Variants in ARHGEF7 observed in about 807,000 individuals in gnomAD.
ARHGEF7 encodes PAK-interacting exchange factor beta.
Under a neutral mutation model 109.8 loss-of-function variants are expected in ARHGEF7, and 33 were observed. The ratio of observed to expected loss-of-function variants is 0.30; its 90% CI spans 0.23 to 0.40. ARHGEF7 has a LOEUF of 0.40. Ranked by LOEUF, ARHGEF7 falls within the 10% of genes least tolerant of loss-of-function variation. The probability of loss-of-function intolerance (pLI) is 1.00; values close to 1 mark genes in which losing one functional copy is unlikely to be tolerated. For missense variants in ARHGEF7, 938 were observed against 1,098.5 expected (o/e 0.85, Z 2.07); for synonymous variants, 458 against 424.6 (o/e 1.08, Z -0.97).
Position 111,145,534 on chromosome 13 carries a change from A to C in ARHGEF7, c.166-8371A>C, listed in dbSNP as rs1267833860. Among the ~76,000 whole-genome samples, 2 of 152,136 alleles carry C rather than the reference A, an allele frequency of 1.3e-5. No homozygotes were observed. Among genetic ancestry groups the C allele is most frequent in the African/African-American group, 4.8e-5 (2 of 41,424 alleles). On this transcript the variant is annotated intron_variant, in intron 1 of 21. Coordinates refer to ENST00000646102, the MANE Select transcript of ARHGEF7 (RefSeq NM_001354046.2). This position sits in a 1 kb window ranked among gnomAD's most constrained non-coding sequence, Gnocchi z 4.3. Reference sequence around the variant, plus strand: ...TCTTCCGCGAGTGGTGTGTTGGTAAATGTTAAACACCTGGCTGTCTGGGAG... The same window carrying C: ...TCTTCCGCGAGTGGTGTGTTGGTAACTGTTAAACACCTGGCTGTCTGGGAG...
intron 8 of ARHGEF7, chr13:111,265,473 A>G: frequency 2.4e-6 from 1 of 425,370 alleles, no homozygotes; most frequent in South Asian, 1.7e-5. Context: ...CCTGACTATG[A>G]CTTTCTCCAG....
At chr13:111,209,762 C>G in intron 3 of ARHGEF7, 110 bp from the exon 4 acceptor site, 1 of 1,296,680 alleles carries the variant, frequency 7.7e-7, no homozygotes. Flanking sequence ...TTGTTGTGGT[C>G]TTTTGGTGTG....
Position 111,303,894 on chromosome 13 carries a change from C to CA in ARHGEF7, c.*782dup. The CA allele has an allele frequency of 6.6e-6, 1 of 152,336 alleles. No homozygotes were observed. The highest frequency in any genetic ancestry group is 2.1e-4 in the South Asian group (1 of 4,826). 9.4% of individuals were successfully genotyped at this position (152,336 alleles called of 1,614,324 possible). A position where few individuals can be genotyped will look rare whatever the true frequency, so the allele number is the denominator to read the frequency against. On this transcript the variant is annotated 3_prime_UTR_variant, in exon 22 of 22. Coordinates refer to ENST00000646102, the MANE Select transcript of ARHGEF7 (RefSeq NM_001354046.2). ...GAGTTTGCTGCGTTTTGGGAGGACA[C>CA]AGACGGTTCTGTATAGGCTAGTTCA...
intron 1 of ARHGEF7, among the ~76,000 whole-genome samples, chr13:111,132,491 T>C (rs920391958): frequency 6.6e-6 from 1 of 152,194 alleles, no homozygotes; most frequent in African/African-American, 2.4e-5. Context: ...CATTAAGGTA[T>C]TTTAGGGAAG....
intron 8 of ARHGEF7, among the ~76,000 whole-genome samples, chr13:111,246,975 C>CT (rs2088961842): frequency 6.6e-6 from 1 of 152,186 alleles, no homozygotes; most frequent in Non-Finnish European, 1.5e-5. Context: ...CATGTGTTTA[C>CT]TAAGGCTTCA....
chr13:111,203,537 G>A (rs577102972), intron 2 of ARHGEF7, among the ~76,000 whole-genome samples: 8 of 152,256 alleles, frequency 5.3e-5, no homozygotes, highest in Middle Eastern at 3.4e-3. Flanking sequence ...AAATGGCATC[G>A]GTAAGCACAT....
intron 19 of ARHGEF7, among the ~76,000 whole-genome samples, chr13:111,299,790 A>C (rs574023661): frequency 1.3e-5 from 2 of 152,316 alleles, no homozygotes; most frequent in African/African-American, 4.8e-5. Context: ...AAGACCCAGC[A>C]AGCGGAAGCA....
intron 1 of ARHGEF7, among the ~76,000 whole-genome samples, chr13:111,138,497 A>G (rs2075194234): frequency 6.6e-6 from 1 of 152,070 alleles, no homozygotes; most frequent in Non-Finnish European, 1.5e-5. Context: ...AAAAACCAAA[A>G]AACACAGCTG....
In ARHGEF7 at chr13:111,258,450, C is replaced by T. The variant is rs2090702934; in HGVS notation, c.951-9098C>T. 6.6e-6 allele frequency among the ~76,000 whole-genome samples: 1 copy of T among 152,234 alleles called. No homozygotes were observed. The highest frequency in any genetic ancestry group is 1.5e-5 in the Non-Finnish European group (1 of 68,032). ...TAGAGCATCAGGCAGAACCCTGAGG[C>T]TCCCGGACGACATTTATAGACATAC... On this transcript the variant is annotated intron_variant, in intron 8 of 21. Coordinates refer to ENST00000646102, the MANE Select transcript of ARHGEF7 (RefSeq NM_001354046.2). The surrounding 1 kb of genome is among the most constrained non-coding windows in gnomAD (Gnocchi z 4.4).
chr13:111,292,474 T>C, intron 19 of ARHGEF7, 180 bp downstream of exon 19: 8 of 1,440,172 alleles, frequency 5.6e-6, no homozygotes, highest in Non-Finnish European at 7.3e-6. Flanking sequence ...TTGTACTTTG[T>C]GGAGGCTTAA....
intron 1 of ARHGEF7, among the ~76,000 whole-genome samples, chr13:111,120,452 C>T (rs141311757): frequency 2.0e-5 from 3 of 150,584 alleles, no homozygotes; most frequent in South Asian, 2.1e-4. Flanking sequence ...CATGCACATA[C>T]GTAAACACAT....
Position 111,305,639 on chromosome 13 carries a change from A to T in ARHGEF7, c.*2526A>T, listed in dbSNP as rs1333286271. ...TGTTGACAAGTGTGGAGAAACTCCTAATTTAAATGTCACAGACAATGTCCT... is the reference window on the plus strand; with the variant it reads ...TGTTGACAAGTGTGGAGAAACTCCTTATTTAAATGTCACAGACAATGTCCT... On this transcript the variant is annotated 3_prime_UTR_variant, in exon 22 of 22. Transcript: ENST00000646102. The T allele has an allele frequency of 6.6e-6, 1 of 152,172 alleles. No individual in the cohort carries two copies. The highest frequency in any genetic ancestry group is 1.5e-5 in the Non-Finnish European group (1 of 68,026). The allele number at this position is 152,172 out of a possible 1,614,324, so 9.4% of individuals were successfully genotyped here.
At chr13:111,197,596 G>C (rs2080685485) in intron 2 of ARHGEF7, among the ~76,000 whole-genome samples, 1 of 152,180 alleles carries the variant, frequency 6.6e-6, no homozygotes, top group African/African-American at 2.4e-5. Flanking sequence ...GGGATCTCCA[G>C]GGTTGGAAGA....
At chr13:111,141,812 C>T (rs915485307) in intron 1 of ARHGEF7, among the ~76,000 whole-genome samples, 3 of 152,130 alleles carry the variant, frequency 2.0e-5, no homozygotes, top group East Asian at 1.9e-4. Flanking sequence ...TGTGGACATA[C>T]GTTTTCAGCC....
intron 19 of ARHGEF7, chr13:111,294,121 G>A (rs762603098): frequency 1.0e-5 from 10 of 985,268 alleles, no homozygotes; most frequent in Middle Eastern, 5.2e-4. Context: ...GTTAATCTCC[G>A]GCAGAGATGG....
At chr13:111,257,489 T>G (rs990582610) in intron 8 of ARHGEF7, among the ~76,000 whole-genome samples, 5 of 152,226 alleles carry the variant, frequency 3.3e-5, no homozygotes, top group African/African-American at 1.2e-4. Flanking sequence ...CAAAAGTTAA[T>G]TATAAAGCCT....
intron 1 of ARHGEF7, among the ~76,000 whole-genome samples, chr13:111,119,535 A>G (rs2067034190): frequency 6.6e-6 from 1 of 152,172 alleles, no homozygotes; most frequent in Non-Finnish European, 1.5e-5. Flanking sequence ...GTAATGTCAG[A>G]TATGGATGAG....
chr13:111,226,966 G>A (rs905043003), intron 5 of ARHGEF7, among the ~76,000 whole-genome samples: 2 of 152,130 alleles, frequency 1.3e-5, no homozygotes, highest in Non-Finnish European at 2.9e-5. Flanking sequence ...TGACCTTAGG[G>A]CCTCAGGACT....
chr13:111,209,840 GCT>G, intron 3 of ARHGEF7, 30 bp from the exon 4 acceptor site: 1 of 1,607,568 alleles, frequency 6.2e-7, no homozygotes, highest in East Asian at 2.2e-5. Context: ...GGCGCTCTCA[GCT>G]CTCTTTTTCT....
Sources: allele counts gnomAD v4.1 joint callset (sites outside exome capture counted in the v4.1 genomes callset), GRCh38; gene constraint gnomAD v4.1.1; non-coding constraint Gnocchi (gnomAD v3.1); transcripts MANE v1.5; gene names NCBI Gene and HGNC (gene_info 2026-07-23, HGNC 2026-07-21).